SENP5: variants seen among roughly 807,000 people sequenced by gnomAD.
The protein encoded by SENP5 is sentrin-specific protease 5.
A neutral mutation model predicts 74.2 loss-of-function variants in SENP5; 21 were observed. The ratio of observed to expected loss-of-function variants is 0.28; its 90% CI spans 0.20 to 0.41. The LOEUF (loss-of-function observed/expected upper bound fraction) is 0.41. SENP5 is among the 10% of genes least tolerant of loss of function. The pLI is 1.00. For missense variants in SENP5, 717 were observed against 889.1 expected (o/e 0.81, Z 2.46); for synonymous variants, 311 against 312.7 (o/e 0.99, Z 0.06).
chr3:196,900,183 T>G, intron 4 of SENP5, 121 bp downstream of exon 4: 1 of 1,327,016 alleles, frequency 7.5e-7, no homozygotes, highest in Non-Finnish European at 1.0e-6. Flanking sequence ...TCTTTACTGG[T>G]TACTTGCCCC....
chr3:196,888,959 T>G (rs1321851684), intron 2 of SENP5, among the ~76,000 whole-genome samples: 8 of 151,452 alleles, frequency 5.3e-5, no homozygotes, highest in African/African-American at 1.7e-4. Flanking sequence ...TACTAAAAAT[T>G]TAAAAAATTA....
intron 2 of SENP5, among the ~76,000 whole-genome samples, chr3:196,892,886 C>G (rs1714273252): frequency 2.0e-5 from 3 of 152,170 alleles, no homozygotes; most frequent in Admixed American, 2.0e-4. Context: ...TGTTTTAAGG[C>G]TGAATTGTAT....
intron 1 of SENP5, among the ~76,000 whole-genome samples, chr3:196,871,063 G>A (rs538467083): frequency 7.9e-4 from 120 of 151,884 alleles, no homozygotes; most frequent in African/African-American, 2.8e-3. Context: ...CCAGCTACTC[G>A]GGAGGCTGAG....
At chr3:196,903,702 T>C (rs563897497) in intron 6 of SENP5, 92 bp downstream of exon 6, 249 of 673,132 alleles carry the variant, frequency 3.7e-4, no homozygotes, top group Non-Finnish European at 5.9e-4. Context: ...GCCAATACGA[T>C]GTTAAGTAGA....
intron 2 of SENP5, among the ~76,000 whole-genome samples, chr3:196,895,338 A>G (rs1714398077): frequency 6.6e-6 from 1 of 151,574 alleles, no homozygotes; most frequent in Non-Finnish European, 1.5e-5. Flanking sequence ...GGCGCCCGCC[A>G]CCATGCCCGG....
At chr3:196,904,255 T>C (rs1714813689) in intron 6 of SENP5, among the ~76,000 whole-genome samples, 1 of 152,186 alleles carries the variant, frequency 6.6e-6, no homozygotes, top group South Asian at 2.1e-4. Context: ...GCTAGTTCTT[T>C]TAGATAGGCT....
chr3:196,904,749 A>G (rs1405272450), intron 6 of SENP5, among the ~76,000 whole-genome samples: 2 of 152,068 alleles, frequency 1.3e-5, no homozygotes, highest in African/African-American at 2.4e-5. Context: ...AGATTGCACT[A>G]TTGCACTCCA....
chr3:196,887,928 C>T (rs551216437), intron 2 of SENP5, among the ~76,000 whole-genome samples: 4 of 152,024 alleles, frequency 2.6e-5, no homozygotes, highest in South Asian at 2.1e-4. Flanking sequence ...CTACCATGCC[C>T]GGCTAATTTT....
rs534634057 is a variant in SENP5, at chr3:196,918,970, T to C, written c.1885-4444T>C. 2.7e-3 allele frequency among the ~76,000 whole-genome samples: 148 copies of C among 54,630 alleles called. 1 individual carries two copies. The highest frequency in any genetic ancestry group is 0.011 in the South Asian group (12 of 1,112). The allele number at this position is 54,630 out of a possible 152,430, so 35.8% of individuals were successfully genotyped here. On this transcript the variant is annotated intron_variant, in intron 6 of 9. Coordinates refer to ENST00000323460, the MANE Select transcript of SENP5 (RefSeq NM_152699.5). ...AAGGTCAGACAATATAAAAATTATGTATGTGTGTATCTATCTATCTATCTA... is the reference window on the plus strand; with the variant it reads ...AAGGTCAGACAATATAAAAATTATGCATGTGTGTATCTATCTATCTATCTA...
chr3:196,894,532 TTC>T (rs1047756651), intron 2 of SENP5, among the ~76,000 whole-genome samples: 4 of 137,570 alleles, frequency 2.9e-5, no homozygotes, highest in African/African-American at 8.3e-5. Flanking sequence ...TAGTTGCGAG[TTC>T]TTTTTTTTTT....
chr3:196,892,867 A>T (rs576286149), intron 2 of SENP5, among the ~76,000 whole-genome samples: 12 of 152,178 alleles, frequency 7.9e-5, no homozygotes, highest in Non-Finnish European at 1.8e-4. Flanking sequence ...CATGTTGCAG[A>T]TGACAGGATG....
chr3:196,889,192 T>G (rs1714103483), intron 2 of SENP5, among the ~76,000 whole-genome samples: 1 of 151,204 alleles, frequency 6.6e-6, no homozygotes. Context: ...TCCTAGCAAA[T>G]TAAAAAAAAA....
chr3:196,882,509 A>G (rs1315722456), intron 1 of SENP5, among the ~76,000 whole-genome samples: 1 of 150,902 alleles, frequency 6.6e-6, no homozygotes, highest in Non-Finnish European at 1.5e-5. Context: ...TTTATTTTTT[A>G]TTTTATTTTT....
At position 196,885,846 on chromosome 3, in the gene SENP5, A is replaced by C; in HGVS notation, c.665A>C (p.His222Pro). ...LIPKKFQLNQ[H>P]RRIKLSPLMM... ...CCAAAAAAGTTCCAACTTAACCAAC[A>C]TAGAAGGATAAAATTATCTCCTCTT... The change falls in exon 2 of 10, where the codon CAT becomes CCT. Residue 222 changes from histidine (H) to proline (P), a missense_variant. Transcript: ENST00000323460. 3.1e-6 allele frequency: 5 copies of C among 1,614,184 alleles called. No individual in the cohort carries two copies. The highest frequency in any genetic ancestry group is 4.2e-6 in the Non-Finnish European group (5 of 1,180,036).
chr3:196,874,149 A>T lies in SENP5; in HGVS notation c.-32+6076A>T, dbSNP rs76778778. On this transcript the variant is annotated intron_variant, in intron 1 of 9. Coordinates refer to ENST00000323460, the MANE Select transcript of SENP5 (RefSeq NM_152699.5). ...TGACAGAATGAGACCTTTTTTTTTT[A>T]AAAAAAAAAAAAGATAAAGGACAAT... Among the ~76,000 whole-genome samples the T allele has an allele frequency of 7.9e-3, 1,001 of 127,456 alleles. 13 individuals are homozygous for T. The highest frequency in any genetic ancestry group is 0.035 in the East Asian group (153 of 4,404). 83.6% of individuals were successfully genotyped at this position (127,456 alleles called of 152,430 possible).
At position 196,885,311 on chromosome 3, in the gene SENP5, C is replaced by T. The variant is rs1445053927; in HGVS notation, c.130C>T (p.Leu44=). 21 of 1,614,052 alleles carry T rather than the reference C, an allele frequency of 1.3e-5. No homozygotes were observed. Among genetic ancestry groups the T allele is most frequent in the Non-Finnish European group, 1.8e-5 (21 of 1,180,038 alleles). ...HQHLCILKAK[L]GRPVTWNRQL... ...ACACTTGTGCATTCTGAAAGCTAAGCTGGGAAGGCCAGTTACTTGGAATAG... is the reference window on the plus strand; with the variant it reads ...ACACTTGTGCATTCTGAAAGCTAAGTTGGGAAGGCCAGTTACTTGGAATAG... Residue 44 remains leucine (L), a synonymous_variant, in exon 2 of 10, where the codon CTG becomes TTG. Transcript: ENST00000323460.
At chr3:196,914,913 A>G (rs1261556918) in intron 6 of SENP5, among the ~76,000 whole-genome samples, 1 of 152,088 alleles carries the variant, frequency 6.6e-6, no homozygotes, top group Admixed American at 6.6e-5. Flanking sequence ...CGGAGATAGA[A>G]TCTGTGTGCT....
intron 2 of SENP5, among the ~76,000 whole-genome samples, chr3:196,889,669 C>T (rs1331185742): frequency 6.6e-6 from 1 of 152,148 alleles, no homozygotes; most frequent in Non-Finnish European, 1.5e-5. Flanking sequence ...CCTACCAAAT[C>T]CATAGAAATT....
At chr3:196,910,930 C>A (rs1180521904) in intron 6 of SENP5, among the ~76,000 whole-genome samples, 1 of 152,114 alleles carries the variant, frequency 6.6e-6, no homozygotes, top group Non-Finnish European at 1.5e-5. Flanking sequence ...ACATACACAA[C>A]CATCTCATCA....
Sources: allele counts gnomAD v4.1 joint callset (sites outside exome capture counted in the v4.1 genomes callset), GRCh38; gene constraint gnomAD v4.1.1; transcripts MANE v1.5; gene names NCBI Gene and HGNC (gene_info 2026-07-23, HGNC 2026-07-21).